The following ROBO2 variants were observed in gnomAD, a reference collection of about 807,000 sequenced individuals.
The protein encoded by ROBO2 is roundabout homolog 2.
ROBO2 carries 53 observed loss-of-function variants against 160.8 expected under a neutral mutation model. The observed-to-expected ratio is 0.33, with a 90% confidence interval of 0.26 to 0.41. The LOEUF (loss-of-function observed/expected upper bound fraction) is 0.41, where lower values mean the gene tolerates loss of function less well. ROBO2 is among the 10% of genes least tolerant of loss of function. The pLI, the probability that ROBO2 is intolerant of heterozygous loss-of-function variation, is 1.00. For synonymous variants in ROBO2, 664 were observed against 611.7 expected (o/e 1.09, Z -1.26); for missense variants, 1,577 against 1,722.4 (o/e 0.92, Z 1.49).
chr3:77,239,860 T>C (rs549487465), intron 2 of ROBO2, among the ~76,000 whole-genome samples: 23 of 152,088 alleles, frequency 1.5e-4, no homozygotes, highest in African/African-American at 5.1e-4. Context: ...TTTAGCTAGA[T>C]GTAAAAGTTC....
chr3:77,191,521 T>C (rs554020527), intron 2 of ROBO2, among the ~76,000 whole-genome samples: 1 of 152,328 alleles, frequency 6.6e-6, no homozygotes, highest in African/African-American at 2.4e-5. Context: ...TTTTGGCATT[T>C]ACCATTTCGC....
At chr3:75,970,830 T>G (rs2064971064) in intron 2 of ROBO2, among the ~76,000 whole-genome samples, 1 of 151,292 alleles carries the variant, frequency 6.6e-6, no homozygotes, top group South Asian at 2.1e-4. Context: ...ACCAAAAGCC[T>G]GTCTTATATC....
chr3:77,393,671 G>T (rs954511549), intron 2 of ROBO2, among the ~76,000 whole-genome samples: 1 of 150,312 alleles, frequency 6.7e-6, no homozygotes, highest in African/African-American at 2.4e-5. Flanking sequence ...CATAGTTCAG[G>T]ATATTCATAT....
chr3:77,407,762 C>T (rs2076371583), intron 2 of ROBO2, among the ~76,000 whole-genome samples: 1 of 152,172 alleles, frequency 6.6e-6, no homozygotes, highest in Non-Finnish European at 1.5e-5. Flanking sequence ...TTAGACATTA[C>T]TCTTAACTTT....
chr3:76,377,089 A>C (rs1490505576), intron 2 of ROBO2, among the ~76,000 whole-genome samples: 1 of 152,194 alleles, frequency 6.6e-6, no homozygotes, highest in African/African-American at 2.4e-5. Flanking sequence ...CTGTTGTTAT[A>C]GTAAGGATAC....
intron 2 of ROBO2, among the ~76,000 whole-genome samples, chr3:76,065,398 C>G (rs1406541101): frequency 1.3e-5 from 2 of 151,928 alleles, no homozygotes; most frequent in African/African-American, 4.8e-5. Flanking sequence ...GTATATGATT[C>G]AAAAATCATT....
chr3:77,567,632 G>A (rs563682094), intron 12 of ROBO2, among the ~76,000 whole-genome samples: 5 of 152,042 alleles, frequency 3.3e-5, no homozygotes, highest in South Asian at 2.1e-4. Context: ...GCATGACCTC[G>A]TGTCAGGTAT....
intron 2 of ROBO2, among the ~76,000 whole-genome samples, chr3:76,846,126 C>G (rs189290129): frequency 3.3e-5 from 5 of 152,196 alleles, no homozygotes; most frequent in Admixed American, 2.6e-4. Context: ...AGAACCCAAA[C>G]CTTTATGAAA....
At position 77,295,188 on chromosome 3, in the gene ROBO2, A is replaced by C. The variant is rs555849390; in HGVS notation, c.389-182226A>C. On this transcript the variant is annotated intron_variant, in intron 2 of 25. Transcript: ENST00000461745. ...GTAAGCTGAGGCTAGATCACTAAAGACATAAAGTAAAATTGACGATTAAAC... is the reference window on the plus strand; with the variant it reads ...GTAAGCTGAGGCTAGATCACTAAAGCCATAAAGTAAAATTGACGATTAAAC... 5.5e-4 allele frequency among the ~76,000 whole-genome samples: 81 copies of C among 146,416 alleles called. 7 individuals carry two copies. Among genetic ancestry groups the C allele is most frequent in the African/African-American group, 2.1e-3 (78 of 36,930 alleles).
chr3:77,084,406 A>G (rs979876120), intron 1 of ROBO2, among the ~76,000 whole-genome samples: 4 of 152,144 alleles, frequency 2.6e-5, no homozygotes, highest in South Asian at 2.1e-4. Flanking sequence ...GGTAAAGGCA[A>G]CTTCCTACAT....
intron 2 of ROBO2, among the ~76,000 whole-genome samples, chr3:76,039,979 A>G (rs924496991): frequency 2.6e-5 from 4 of 152,032 alleles, no homozygotes; most frequent in African/African-American, 9.7e-5. Context: ...TGTGTTAAAT[A>G]ATATCTGACT....
At chr3:77,505,691 T>G (rs1019547549) in intron 5 of ROBO2, among the ~76,000 whole-genome samples, 1 of 152,096 alleles carries the variant, frequency 6.6e-6, no homozygotes, top group Non-Finnish European at 1.5e-5. Context: ...ATGGGAGTAA[T>G]AGCTAATATT....
chr3:76,982,427 C>G (rs2060145059), intron 2 of ROBO2, among the ~76,000 whole-genome samples: 1 of 152,178 alleles, frequency 6.6e-6, no homozygotes, highest in African/African-American at 2.4e-5. Context: ...TTCCATTGAT[C>G]TGCAATTTTA....
chr3:76,471,543 G>A (rs1286329821), intron 2 of ROBO2, among the ~76,000 whole-genome samples: 5 of 152,092 alleles, frequency 3.3e-5, no homozygotes, highest in Middle Eastern at 3.2e-3. Flanking sequence ...ACACAGTTTT[G>A]TGAAACTGCA....
chr3:76,962,687 G>A (rs1010023926), intron 2 of ROBO2, among the ~76,000 whole-genome samples: 21 of 151,182 alleles, frequency 1.4e-4, no homozygotes, highest in African/African-American at 4.9e-4. Context: ...TGCACCTGTG[G>A]TACCAACTCT....
At chr3:76,622,234 GGAA>G (rs1560251956) in intron 2 of ROBO2, among the ~76,000 whole-genome samples, 4 of 51,826 alleles carry the variant, frequency 7.7e-5, no homozygotes, top group African/African-American at 3.8e-4. Flanking sequence ...AAGGAAGGAA[GGAA>G]GAAAGAAAGA....
chr3:77,587,067 C>T (rs190744407), intron 16 of ROBO2, among the ~76,000 whole-genome samples: 304 of 152,122 alleles, frequency 2.0e-3, no homozygotes, highest in Non-Finnish European at 3.5e-3. Context: ...AATTTTATTT[C>T]TAATTCACAG....
intron 2 of ROBO2, among the ~76,000 whole-genome samples, chr3:76,013,699 A>G (rs976597561): frequency 6.6e-6 from 1 of 151,472 alleles, no homozygotes; most frequent in Non-Finnish European, 1.5e-5. Flanking sequence ...GCGGCTGGGT[A>G]CAGTGGCTTA....
chr3:76,730,244 C>T (rs1576288081), intron 2 of ROBO2, among the ~76,000 whole-genome samples: 3 of 114,916 alleles, frequency 2.6e-5, no homozygotes, highest in Middle Eastern at 4.3e-3. Flanking sequence ...TCACCTCCTA[C>T]TCCCTACCCG....
Sources: allele counts gnomAD v4.1 joint callset (sites outside exome capture counted in the v4.1 genomes callset), GRCh38; gene constraint gnomAD v4.1.1; transcripts MANE v1.5; gene names NCBI Gene and HGNC (gene_info 2026-07-23, HGNC 2026-07-21).